ANO3: variants seen among roughly 807,000 people sequenced by gnomAD.
The protein encoded by ANO3 is anoctamin-3.
Under a neutral mutation model 144.8 loss-of-function variants are expected in ANO3, and 99 were observed. The ratio of observed to expected loss-of-function variants is 0.68; its 90% CI spans 0.58 to 0.81. ANO3 has a LOEUF of 0.81. Among genes scored for constraint, ANO3 ranks in the 30% least tolerant of loss-of-function variants. The probability of loss-of-function intolerance (pLI) is 0.00; values close to 1 mark genes in which losing one functional copy is unlikely to be tolerated. For synonymous variants in ANO3, 414 were observed against 392.6 expected, an observed-to-expected ratio of 1.05 and a Z score of -0.64; for missense variants, 905 against 1,202.2, an observed-to-expected ratio of 0.75 and a Z score of 3.66.
chr11:26,476,673 A>G (rs1300185929), intron 4 of ANO3, among the ~76,000 whole-genome samples: 1 of 152,104 alleles, frequency 6.6e-6, no homozygotes, highest in Non-Finnish European at 1.5e-5. Context: ...TGGGGACGAC[A>G]CTACAGTAAT....
chr11:26,568,273 T>C (rs1205852275), intron 14 of ANO3, among the ~76,000 whole-genome samples: 2 of 152,058 alleles, frequency 1.3e-5, no homozygotes, highest in South Asian at 4.1e-4. Flanking sequence ...TTAATCCCAC[T>C]TTACAGATGA....
intron 3 of ANO3, among the ~76,000 whole-genome samples, chr11:26,454,624 T>A (rs1273074957): frequency 6.6e-6 from 1 of 151,486 alleles, no homozygotes; most frequent in Non-Finnish European, 1.5e-5. Context: ...CCAGATGGAT[T>A]CACAGCCAAA....
chr11:26,327,762 C>G (rs1244767581), upstream of ANO3, among the ~76,000 whole-genome samples: 1 of 152,188 alleles, frequency 6.6e-6, no homozygotes, highest in Non-Finnish European at 1.5e-5. Context: ...TGAGTTTGAA[C>G]ATATGCAAAC....
chr11:26,599,497 G>T lies in ANO3; in HGVS notation c.1672-53G>T. ...AGATTTGATCTACGGTTTTGCTTTT[G>T]ACTTGTTAATGATGTAAAATATGGA... is the stretch of plus-strand genomic sequence containing the variant. On this transcript the variant is annotated intron_variant, in intron 16 of 26. Transcript: ENST00000256737. 3 of 1,566,140 alleles carry T rather than the reference G, an allele frequency of 1.9e-6. No individual in the cohort carries two copies. In the South Asian group the frequency reaches 3.6e-5, roughly 19 times the overall value.
At chr11:26,510,500 A>G (rs190131252) in intron 5 of ANO3, among the ~76,000 whole-genome samples, 7 of 152,312 alleles carry the variant, frequency 4.6e-5, no homozygotes, top group African/African-American at 1.2e-4. Flanking sequence ...TCTCCTCCAT[A>G]CAAATAGAAT....
At chr11:26,272,058 G>T (rs1461333110) in intron 1 of ANO3, among the ~76,000 whole-genome samples, 1 of 152,014 alleles carries the variant, frequency 6.6e-6, no homozygotes, top group Admixed American at 6.6e-5. Context: ...TATTGAAAAT[G>T]CCATGTGATG....
chr11:26,349,398 C>T (rs908943798), intron 1 of ANO3, among the ~76,000 whole-genome samples: 3 of 152,070 alleles, frequency 2.0e-5, no homozygotes, highest in Non-Finnish European at 4.4e-5. Flanking sequence ...ATATAAAAAT[C>T]ATTCACACAT....
At chr11:26,369,838 G>A (rs1856199709) in intron 1 of ANO3, among the ~76,000 whole-genome samples, 1 of 152,060 alleles carries the variant, frequency 6.6e-6, no homozygotes, top group African/African-American at 2.4e-5. Context: ...GAATCATCAT[G>A]TGGGAGTTAT....
At chr11:26,465,059 T>A (rs1381291193) in intron 4 of ANO3, among the ~76,000 whole-genome samples, 1 of 151,644 alleles carries the variant, frequency 6.6e-6, no homozygotes, top group Admixed American at 6.6e-5. Context: ...ATTGTTTGGG[T>A]GTCTGTATAC....
intron 23 of ANO3, among the ~76,000 whole-genome samples, chr11:26,645,786 C>G (rs1853325037): frequency 6.6e-6 from 1 of 152,080 alleles, no homozygotes; most frequent in South Asian, 2.1e-4. Context: ...TTGATAGATG[C>G]AGCAAATCAC....
intron 4 of ANO3, among the ~76,000 whole-genome samples, chr11:26,470,139 C>G (rs1203884508): frequency 2.0e-5 from 3 of 151,762 alleles, no homozygotes; most frequent in African/African-American, 7.3e-5. Context: ...TAGCTCATGC[C>G]TATAATCCCA....
chr11:26,612,879 C>A (rs1426785213), intron 17 of ANO3, among the ~76,000 whole-genome samples: 2 of 151,992 alleles, frequency 1.3e-5, no homozygotes, highest in African/African-American at 4.8e-5. Flanking sequence ...CTAATAGGGG[C>A]TTCCTTTATA....
At chr11:26,477,951 G>A (rs1860047828) in intron 4 of ANO3, among the ~76,000 whole-genome samples, 1 of 152,060 alleles carries the variant, frequency 6.6e-6, no homozygotes, top group African/African-American at 2.4e-5. Context: ...AGAATAATTT[G>A]GCAAAACAAG....
At chr11:26,269,151 T>C (rs1486834558) in intron 1 of ANO3, among the ~76,000 whole-genome samples, 3 of 152,178 alleles carry the variant, frequency 2.0e-5, no homozygotes, top group African/African-American at 7.2e-5. Flanking sequence ...CAGCCAATAA[T>C]ACACTTCAGG....
chr11:26,332,353 G>C (rs572653484), intron 1 of ANO3, 32 bp downstream of exon 1: 67 of 1,610,580 alleles, frequency 4.2e-5, no homozygotes, highest in East Asian at 3.1e-4. Flanking sequence ...CTCTCCCTGC[G>C]GGCGTCACTT....
intron 14 of ANO3, chr11:26,563,262 T>A: frequency 2.5e-6 from 4 of 1,595,480 alleles, no homozygotes; most frequent in Non-Finnish European, 3.4e-6. Context: ...TGTATTTCTA[T>A]TTTCTACAGG....
At chr11:26,512,871 T>G (rs1442122118) in intron 5 of ANO3, among the ~76,000 whole-genome samples, 6 of 152,216 alleles carry the variant, frequency 3.9e-5, no homozygotes, top group Non-Finnish European at 8.8e-5. Context: ...CTTTCTTGTC[T>G]CTATCACACT....
At chr11:26,423,679 C>A (rs528227647) in intron 1 of ANO3, among the ~76,000 whole-genome samples, 3 of 151,844 alleles carry the variant, frequency 2.0e-5, no homozygotes, top group Non-Finnish European at 4.4e-5. Flanking sequence ...TTGCCAAGAT[C>A]GTGGATATAG....
intron 1 of ANO3, among the ~76,000 whole-genome samples, chr11:26,192,713 T>C (rs1422516508): frequency 6.6e-6 from 1 of 152,112 alleles, no homozygotes; most frequent in Non-Finnish European, 1.5e-5. Flanking sequence ...TAAGTGTGTA[T>C]GGGTGAGGGG....
Sources: allele counts gnomAD v4.1 joint callset (sites outside exome capture counted in the v4.1 genomes callset), GRCh38; gene constraint gnomAD v4.1.1; transcripts MANE v1.5; gene names NCBI Gene and HGNC (gene_info 2026-07-23, HGNC 2026-07-21).